Variants in CDK17 observed in about 807,000 individuals in gnomAD.
CDK17 encodes cyclin dependent kinase 17, also known as cyclin-dependent kinase 17.
In CDK17, 24 loss-of-function variants were observed where a neutral mutation model predicts 77.6. The ratio of observed to expected loss-of-function variants is 0.31; its 90% CI spans 0.22 to 0.44. The LOEUF (loss-of-function observed/expected upper bound fraction) is 0.44. Ranked by LOEUF, CDK17 falls within the 20% of genes least tolerant of loss-of-function variation. The pLI is 1.00. For synonymous variants in CDK17, 203 were observed against 210.4 expected (o/e 0.96, Z 0.30); for missense variants, 429 against 622.5 (o/e 0.69, Z 3.31).
chr12:96,304,899 T>C (rs1476640964), intron 5 of CDK17, among the ~76,000 whole-genome samples: 1 of 152,242 alleles, frequency 6.6e-6, no homozygotes, highest in Non-Finnish European at 1.5e-5. Flanking sequence ...AAGGTCTATA[T>C]AGTCTATTGG....
At chr12:96,308,631 A>G (rs1952607190) in intron 5 of CDK17, among the ~76,000 whole-genome samples, 1 of 149,440 alleles carries the variant, frequency 6.7e-6, no homozygotes, top group Admixed American at 6.7e-5. Context: ...CGGGAGGCTG[A>G]GGCCAGAGAA....
rs376755935 is a variant in CDK17 at position 96,323,858 on chromosome 12, C to T, written c.283+90G>A. On this transcript the variant is annotated intron_variant, in intron 3 of 16. Transcript: ENST00000261211. ...CTTGATTTTTATCTGACAGAAGAAACGAGATAATAAAAGTTGCTTAATTAA... is the reference window on the plus strand; with the variant it reads ...CTTGATTTTTATCTGACAGAAGAAATGAGATAATAAAAGTTGCTTAATTAA... The T allele has an allele frequency of 3.5e-5, 31 of 886,314 alleles. 1 individual carries two copies. Among genetic ancestry groups the T allele is most frequent in the African/African-American group, 3.2e-4 (19 of 58,940 alleles). The allele number at this position is 886,314 out of a possible 1,614,324, so 54.9% of individuals were successfully genotyped here. A position where few individuals can be genotyped will look rare whatever the true frequency, so the allele number is the denominator to read the frequency against.
intron 1 of CDK17, among the ~76,000 whole-genome samples, chr12:96,353,562 A>G (rs1953344507): frequency 6.7e-6 from 1 of 149,342 alleles, no homozygotes; most frequent in Non-Finnish European, 1.5e-5. Context: ...CACACACTGC[A>G]TATGTACCAC....
intron 5 of CDK17, among the ~76,000 whole-genome samples, chr12:96,308,252 A>AAAAAAAAAAAAAAAAAAAAG (rs750453479): frequency 7.0e-6 from 1 of 143,496 alleles, no homozygotes; most frequent in Non-Finnish European, 1.5e-5. Flanking sequence ...AAAAAAAAAA[A>AAAAAAAAAAAAAAAAAAAAG]GTTTTTTAAT....
At chr12:96,283,565 A>C (rs1952205942) in intron 14 of CDK17, 38 bp downstream of exon 14, 1 of 1,333,962 alleles carries the variant, frequency 7.5e-7, no homozygotes, top group Non-Finnish European at 1.1e-6. Context: ...GCTGAGGCTT[A>C]ACAACCTATT....
intron 3 of CDK17, among the ~76,000 whole-genome samples, chr12:96,318,310 T>A (rs888854857): frequency 1.3e-5 from 2 of 150,868 alleles, no homozygotes; most frequent in South Asian, 2.1e-4. Flanking sequence ...AAGTCCTGAG[T>A]GACCTACAAA....
intron 9 of CDK17, among the ~76,000 whole-genome samples, chr12:96,296,997 C>A (rs563221088): frequency 1.3e-5 from 2 of 151,986 alleles, no homozygotes; most frequent in Non-Finnish European, 2.9e-5. Context: ...AAGCAGAATA[C>A]ACCTGTACAT....
intron 3 of CDK17, among the ~76,000 whole-genome samples, chr12:96,317,099 G>C (rs1159613196): frequency 5.9e-4 from 83 of 140,734 alleles, no homozygotes; most frequent in African/African-American, 2.1e-3. Flanking sequence ...AACCAATACA[G>C]AGAAGTGCTT....
rs543693406 is a variant in CDK17, at chr12:96,350,978, T to TACA, written c.-29-16116_-29-16114dup. Among the ~76,000 whole-genome samples, 8 of 152,170 alleles carry TACA rather than the reference T, an allele frequency of 5.3e-5. No homozygotes were observed. The South Asian group carries it at 1.7e-3, about 32-fold the overall frequency. Reference sequence around the variant, plus strand: ...GAGTTTAATATCCAGAAAGAACTGCTACAACTCAACAGCAAAAAACAAACA... The same window carrying TACA: ...GAGTTTAATATCCAGAAAGAACTGCTACAACAACTCAACAGCAAAAAACAAACA... On this transcript the variant is annotated intron_variant, in intron 1 of 16. Transcript: ENST00000261211.
At chr12:96,323,478 A>G in intron 3 of CDK17, among the ~76,000 whole-genome samples, 1 of 152,190 alleles carries the variant, frequency 6.6e-6, no homozygotes, top group East Asian at 1.9e-4. Context: ...ATAAAAATAA[A>G]AATAAAAACA....
chr12:96,349,535 C>CAAAAAAAAAAAAAAAAAAAAAAAA (rs34417608), intron 1 of CDK17, among the ~76,000 whole-genome samples: 1 of 106,082 alleles, frequency 9.4e-6, no homozygotes, highest in Admixed American at 9.1e-5. Flanking sequence ...ATTGATTTAG[C>CAAAAAAAAAAAAAAAAAAAAAAAA]AAAAAAAAAA....
At chr12:96,337,456 C>T (rs996895800) in intron 1 of CDK17, among the ~76,000 whole-genome samples, 2 of 151,974 alleles carry the variant, frequency 1.3e-5, no homozygotes, top group East Asian at 3.9e-4. Flanking sequence ...GATTTTTTCC[C>T]CTAGCATTTC....
intron 1 of CDK17, among the ~76,000 whole-genome samples, chr12:96,352,557 TA>T (rs1201436655): frequency 5.9e-5 from 9 of 152,110 alleles, no homozygotes; most frequent in Admixed American, 3.3e-4. Context: ...CAAACTCTAA[TA>T]AAGGGAGTGT....
chr12:96,307,735 G>A (rs1952594551), intron 5 of CDK17, among the ~76,000 whole-genome samples: 1 of 152,072 alleles, frequency 6.6e-6, no homozygotes, highest in Admixed American at 6.5e-5. Context: ...GCCAGGCATG[G>A]TGGCACATGC....
chr12:96,297,510 G>C (rs1202519225), intron 8 of CDK17, 117 bp downstream of exon 8: 4 of 827,062 alleles, frequency 4.8e-6, no homozygotes, highest in Non-Finnish European at 7.9e-6. Flanking sequence ...CTGTTAAAAA[G>C]TCCAATTTAG....
intron 1 of CDK17, among the ~76,000 whole-genome samples, chr12:96,364,750 AT>A (rs1419120479): frequency 6.6e-6 from 1 of 152,110 alleles, no homozygotes; most frequent in Non-Finnish European, 1.5e-5. Context: ...AACAGAAAAT[AT>A]TTTTCTCTAT....
chr12:96,344,265 A>G (rs539617918), intron 1 of CDK17, among the ~76,000 whole-genome samples: 70 of 152,220 alleles, frequency 4.6e-4, no homozygotes, highest in Non-Finnish European at 8.1e-4. Context: ...AAGATAAAAG[A>G]AAGGGGGAAA....
chr12:96,322,346 G>T (rs1275373618), intron 3 of CDK17, among the ~76,000 whole-genome samples: 1 of 152,124 alleles, frequency 6.6e-6, no homozygotes, highest in African/African-American at 2.4e-5. Flanking sequence ...TAGAACAAGG[G>T]TCTAGAACAA....
intron 3 of CDK17, among the ~76,000 whole-genome samples, chr12:96,322,505 A>C (rs1438043360): frequency 4.0e-5 from 6 of 151,804 alleles, no homozygotes; most frequent in Non-Finnish European, 8.8e-5. Flanking sequence ...AAAAAAAAAA[A>C]AACAAACCCT....
Sources: allele counts gnomAD v4.1 joint callset (sites outside exome capture counted in the v4.1 genomes callset), GRCh38; gene constraint gnomAD v4.1.1; transcripts MANE v1.5; gene names NCBI Gene and HGNC (gene_info 2026-07-23, HGNC 2026-07-21).